Variants in MMP26 observed in about 807,000 individuals in gnomAD.
The protein encoded by MMP26 is matrix metallopeptidase 26.
A neutral mutation model predicts 31.0 loss-of-function variants in MMP26; 33 were observed. That is an observed-to-expected ratio of 1.06 (90% CI 0.81 to 1.42). MMP26 has a LOEUF of 1.42. Ranked by LOEUF, MMP26 falls within the 40% of genes most tolerant of loss-of-function variation. MMP26 has a pLI of 0.00. For synonymous variants in MMP26, 122 were observed against 114.9 expected, an observed-to-expected ratio of 1.06 and a Z score of -0.40; for missense variants, 347 against 316.1, an observed-to-expected ratio of 1.10 and a Z score of -0.74.
At position 4,769,659 on chromosome 11, in the gene MMP26, G is replaced by T. The variant is rs1446623120; in HGVS notation, c.-145+2318G>T. On this transcript the variant is annotated intron_variant, in intron 2 of 7. Transcript: ENST00000380390. Reference sequence around the variant, plus strand: ...CTGATTTCACGTGCCTCAAACCAGAGGATACCTAATGTTGTTGACAATGAA... The same window carrying T: ...CTGATTTCACGTGCCTCAAACCAGATGATACCTAATGTTGTTGACAATGAA... 6.2e-7 allele frequency: 1 copy of T among 1,612,878 alleles called. No individual in the cohort carries two copies. Among genetic ancestry groups the T allele is most frequent in the African/African-American group, 1.3e-5 (1 of 74,840 alleles).
In MMP26 at chr11:4,722,835, G is replaced by A. The variant is rs1472856288; in HGVS notation, c.-217+17790G>A. 8 of 895,706 alleles carry A rather than the reference G, an allele frequency of 8.9e-6. No individual in the cohort carries two copies. The African/African-American group carries it at 1.3e-4, about 15-fold the overall frequency. 55.5% of individuals were successfully genotyped at this position (895,706 alleles called of 1,614,324 possible). On this transcript the variant is annotated intron_variant, in intron 1 of 7. Coordinates refer to ENST00000380390, the MANE Select transcript of MMP26 (RefSeq NM_021801.5). ...CCTGGTGGAGCTGGTGTGGCTGAAG[G>A]AGCTGGAGCCGCGCCAGAGCCAAAG...
intron 2 of MMP26, among the ~76,000 whole-genome samples, chr11:4,878,354 C>A (rs1054251471): frequency 3.3e-5 from 5 of 151,866 alleles, no homozygotes; most frequent in African/African-American, 1.2e-4. Flanking sequence ...TTTCTTTTGC[C>A]TTTATTTGTG....
intron 2 of MMP26, among the ~76,000 whole-genome samples, chr11:4,883,775 C>T (rs1007276511): frequency 6.6e-6 from 1 of 152,050 alleles, no homozygotes; most frequent in Non-Finnish European, 1.5e-5. Flanking sequence ...TTCTAGATTG[C>T]CTTTATTAAC....
At chr11:4,840,032 T>C (rs1008452878) in intron 2 of MMP26, among the ~76,000 whole-genome samples, 1 of 152,138 alleles carries the variant, frequency 6.6e-6, no homozygotes, top group Non-Finnish European at 1.5e-5. Context: ...TCTGTGGTTT[T>C]CTGGCAGTAC....
chr11:4,884,921 T>C lies in MMP26; in HGVS notation c.-144-103147T>C, dbSNP rs147337730. On this transcript the variant is annotated intron_variant, in intron 2 of 7. Transcript: ENST00000380390. ...ATGCAGGGTAATACCTCAAGAGATA[T>C]ATGGCTCTTTAAAGTATAAAATGTA... is the stretch of plus-strand genomic sequence containing the variant. Among the ~76,000 whole-genome samples the C allele has an allele frequency of 5.4e-3, 827 of 152,232 alleles. 2 individuals are homozygous for C. The highest frequency in any genetic ancestry group is 0.011 in the Admixed American group (170 of 15,264).
At chr11:4,910,969 A>G (rs1850982143) in intron 2 of MMP26, among the ~76,000 whole-genome samples, 2 of 152,198 alleles carry the variant, frequency 1.3e-5, no homozygotes. Flanking sequence ...TCCTCCTGCT[A>G]CAATCATGCC....
Position 4,955,082 on chromosome 11 carries a change from T to C in MMP26, c.-144-32986T>C, listed in dbSNP as rs149468526. The stretch of plus-strand genomic sequence containing the variant: ...GTAAGACACAGCAATGAGAATAAAG[T>C]CTACCATAAGGCAGAGTGCTCCAAA... On this transcript the variant is annotated intron_variant, in intron 2 of 7. Transcript: ENST00000380390. 283 of 1,443,556 alleles carry C rather than the reference T, an allele frequency of 2.0e-4. 11 individuals carry two copies. The highest frequency in any genetic ancestry group is 2.6e-4 in the Non-Finnish European group (278 of 1,057,446). 89.4% of individuals were successfully genotyped at this position (1,443,556 alleles called of 1,614,324 possible). A position where few individuals can be genotyped will look rare whatever the true frequency, so the allele number is the denominator to read the frequency against.
intron 2 of MMP26, among the ~76,000 whole-genome samples, chr11:4,801,865 G>T (rs950212233): frequency 6.6e-6 from 1 of 151,642 alleles, no homozygotes. Flanking sequence ...ACCGGATCTC[G>T]CATGATCTAA....
At chr11:4,868,438 A>G (rs545653894) in intron 2 of MMP26, among the ~76,000 whole-genome samples, 3 of 152,298 alleles carry the variant, frequency 2.0e-5, no homozygotes, top group Admixed American at 1.3e-4. Flanking sequence ...ACAAACAGAG[A>G]GCCAAATCAT....
chr11:4,763,015 C>A (rs191845053), intron 1 of MMP26, among the ~76,000 whole-genome samples: 2 of 152,098 alleles, frequency 1.3e-5, no homozygotes, highest in East Asian at 3.9e-4. Flanking sequence ...AATTTGGGAG[C>A]AAGAGAAAAT....
intron 1 of MMP26, chr11:4,722,696 C>G: frequency 1.3e-6 from 1 of 741,790 alleles, no homozygotes; most frequent in Non-Finnish European, 2.4e-6. Context: ...TTTCCCGCAG[C>G]CGCAGGAGGG....
intron 1 of MMP26, among the ~76,000 whole-genome samples, chr11:4,728,234 T>C (rs1434048477): frequency 6.6e-6 from 1 of 152,202 alleles, no homozygotes; most frequent in Non-Finnish European, 1.5e-5. Flanking sequence ...TTGTTAAACA[T>C]TATATTATAA....
intron 1 of MMP26, among the ~76,000 whole-genome samples, chr11:4,750,754 C>T (rs1848437609): frequency 6.6e-6 from 1 of 151,754 alleles, no homozygotes. Flanking sequence ...AAATAATAGA[C>T]ATTGGTAACT....
intron 2 of MMP26, chr11:4,794,201 G>A (rs914985314): frequency 2.0e-5 from 3 of 152,218 alleles, no homozygotes; most frequent in African/African-American, 7.2e-5. Context: ...TCTAGCTGAG[G>A]CAGAAGGGCA....
chr11:4,891,701 T>A (rs1446336373), intron 2 of MMP26, among the ~76,000 whole-genome samples: 2 of 152,184 alleles, frequency 1.3e-5, no homozygotes. Flanking sequence ...AATGTCCTTA[T>A]GTATGACCAA....
intron 1 of MMP26, among the ~76,000 whole-genome samples, chr11:4,706,423 A>G (rs1847778009): frequency 6.6e-6 from 1 of 151,788 alleles, no homozygotes; most frequent in Non-Finnish European, 1.5e-5. Context: ...TTATCCAGGC[A>G]TGATGGTGTG....
At chr11:4,772,729 TCTA>T (rs1848742791) in intron 2 of MMP26, among the ~76,000 whole-genome samples, 1 of 152,228 alleles carries the variant, frequency 6.6e-6, no homozygotes, top group African/African-American at 2.4e-5. Context: ...CACTTTACAG[TCTA>T]CTAATTCTAG....
intron 2 of MMP26, among the ~76,000 whole-genome samples, chr11:4,893,304 T>A (rs1049343604): frequency 6.6e-6 from 1 of 152,176 alleles, no homozygotes; most frequent in Non-Finnish European, 1.5e-5. Flanking sequence ...AATATTTCTC[T>A]TTATGTTTAC....
intron 2 of MMP26, among the ~76,000 whole-genome samples, chr11:4,806,344 T>C (rs1400465170): frequency 2.0e-5 from 3 of 152,124 alleles, no homozygotes; most frequent in Non-Finnish European, 4.4e-5. Flanking sequence ...CCGTTATTAT[T>C]GTGTGGGAGT....
Sources: allele counts gnomAD v4.1 joint callset (sites outside exome capture counted in the v4.1 genomes callset), GRCh38; gene constraint gnomAD v4.1.1; transcripts MANE v1.5; gene names NCBI Gene and HGNC (gene_info 2026-07-23, HGNC 2026-07-21).